DLGAP3: variants seen among roughly 807,000 people sequenced by gnomAD.
The protein encoded by DLGAP3 is disks large-associated protein 3.
A neutral mutation model predicts 81.2 loss-of-function variants in DLGAP3; 17 were observed. That is an observed-to-expected ratio of 0.21 (90% CI 0.14 to 0.31). The LOEUF (loss-of-function observed/expected upper bound fraction) is 0.31, where lower values mean the gene tolerates loss of function less well. DLGAP3 is among the 10% of genes least tolerant of loss of function. The pLI is 1.00. For synonymous variants in DLGAP3, 577 were observed against 587.4 expected, an observed-to-expected ratio of 0.98 and a Z score of 0.26; for missense variants, 1,124 against 1,388.0, an observed-to-expected ratio of 0.81 and a Z score of 3.02.
chr1:34,885,812 G>A (rs1422733262), intron 6 of DLGAP3, 21 bp from the exon 7 acceptor site: 1 of 1,396,548 alleles, frequency 7.2e-7, no homozygotes, highest in South Asian at 1.6e-5. Flanking sequence ...CGAGCGCAGA[G>A]ACGCAGTGGG....
At chr1:34,877,164 T>G (rs1328430829) in intron 8 of DLGAP3, among the ~76,000 whole-genome samples, 3 of 151,964 alleles carry the variant, frequency 2.0e-5, no homozygotes, top group Non-Finnish European at 4.4e-5. Flanking sequence ...AGAGGCTGGA[T>G]GAAAACGCTG....
intron 8 of DLGAP3, among the ~76,000 whole-genome samples, chr1:34,875,260 T>C (rs1394820777): frequency 2.0e-5 from 3 of 152,122 alleles, no homozygotes; most frequent in Non-Finnish European, 4.4e-5. Flanking sequence ...AAGGAAAGGG[T>C]AGGCAGGTCT....
In DLGAP3 at chr1:34,873,387, C is replaced by T. The variant is rs1034640207; in HGVS notation, c.2001-4298G>A. On this transcript the variant is annotated intron_variant, in intron 8 of 11. Transcript: ENST00000373347. This position sits in a 1 kb window ranked among gnomAD's most constrained non-coding sequence, Gnocchi z 4.2. ...TTTGGGTGGGGGCAGCGGAACAGAG[C>T]GGTTAGGCCCGTGTGCTCTGGAGCC... Among the ~76,000 whole-genome samples, 2 of 152,154 alleles carry T rather than the reference C, an allele frequency of 1.3e-5. No individual in the cohort carries two copies. The highest frequency in any genetic ancestry group is 2.9e-5 in the Non-Finnish European group (2 of 68,038).
chr1:34,918,099 G>C (rs1639743735), intron 1 of DLGAP3, among the ~76,000 whole-genome samples: 1 of 152,198 alleles, frequency 6.6e-6, no homozygotes, highest in Non-Finnish European at 1.5e-5. Context: ...CTCAGAGGGG[G>C]GGTCTCTCAG....
chr1:34,929,643 C>G lies in DLGAP3; in HGVS notation c.-327G>C, dbSNP rs1474139714. 2 of 151,180 alleles carry G rather than the reference C, an allele frequency of 1.3e-5. No individual in the cohort carries two copies. Among genetic ancestry groups the G allele is most frequent in the African/African-American group, 4.8e-5 (2 of 41,322 alleles). The allele number at this position is 151,180 out of a possible 1,614,324, so 9.4% of individuals were successfully genotyped here. A position where few individuals can be genotyped will look rare whatever the true frequency, so the allele number is the denominator to read the frequency against. On this transcript the variant is annotated 5_prime_UTR_variant, in exon 1 of 12. Coordinates refer to ENST00000373347, the MANE Select transcript of DLGAP3 (RefSeq NM_001080418.3). This position sits in a 1 kb window ranked among gnomAD's most constrained non-coding sequence, Gnocchi z 6.5. ...GCGGGAGCGGGAGGCGGCCAAGCCA[C>G]GGAGGCTGGATTTCCCGGGGACCGG...
chr1:34,869,698 A>G (rs1001027354), intron 8 of DLGAP3, among the ~76,000 whole-genome samples: 1 of 151,360 alleles, frequency 6.6e-6, no homozygotes, highest in African/African-American at 2.4e-5. Context: ...CTGGTCTCGA[A>G]CTCCCGACCT....
intron 8 of DLGAP3, among the ~76,000 whole-genome samples, chr1:34,879,459 G>A (rs1405652010): frequency 1.3e-5 from 2 of 152,144 alleles, no homozygotes; most frequent in East Asian, 3.8e-4. Context: ...CACCTGCTGC[G>A]CACCTCCTGC....
chr1:34,880,722 T>G (rs1639132456), intron 8 of DLGAP3, among the ~76,000 whole-genome samples: 1 of 151,954 alleles, frequency 6.6e-6, no homozygotes, highest in African/African-American at 2.4e-5. Context: ...AAGGGAGATA[T>G]CAATATAGAG....
At chr1:34,887,245 G>A (rs930221692) in intron 5 of DLGAP3, among the ~76,000 whole-genome samples, 1 of 151,890 alleles carries the variant, frequency 6.6e-6, no homozygotes. Flanking sequence ...GTGAGCCACC[G>A]CACCCGGCCC....
chr1:34,899,941 T>G, intron 4 of DLGAP3, 127 bp downstream of exon 4: 1 of 916,900 alleles, frequency 1.1e-6, no homozygotes, highest in Non-Finnish European at 1.7e-6. Context: ...TTACATGGAG[T>G]GGAGTGAGAC....
chr1:34,923,700 C>A (rs1256420257), intron 1 of DLGAP3, among the ~76,000 whole-genome samples: 3 of 151,752 alleles, frequency 2.0e-5, no homozygotes, highest in Non-Finnish European at 4.4e-5. Flanking sequence ...ACACCCACAC[C>A]CACCACCTCC....
At chr1:34,899,448 G>A (rs938170092) in intron 5 of DLGAP3, among the ~76,000 whole-genome samples, 2 of 152,232 alleles carry the variant, frequency 1.3e-5, no homozygotes, top group Non-Finnish European at 2.9e-5. Flanking sequence ...GCCCTTACAA[G>A]CTCATCACTT....
chr1:34,885,483 C>T lies in DLGAP3; in HGVS notation c.1909G>A (p.Val637Met). Residue 637 changes from valine to methionine, a missense_variant, in exon 7 of 12, where the codon GTG becomes ATG. Around this residue, in one of 9 missense-constraint regions of DLGAP3, gnomAD observed 379 missense variants for 455.7 expected, o/e 0.83. Coordinates refer to ENST00000373347, the MANE Select transcript of DLGAP3 (RefSeq NM_001080418.3). Reference protein sequence around the residue: ...RQRKWRPSIGVQVETISDSDT... With the variant: ...RQRKWRPSIGMQVETISDSDT... ...GGCGCCTCCCCGTTCCATACCTGCA[C>T]CCCAATGGACGGCCGCCACTTCCGC... is the stretch of plus-strand genomic sequence containing the variant. 1 of 1,606,534 alleles carries T rather than the reference C, an allele frequency of 6.2e-7. No individual in the cohort carries two copies. Among genetic ancestry groups the T allele is most frequent in the Non-Finnish European group, 8.5e-7 (1 of 1,179,770 alleles).
chr1:34,879,403 T>C (rs1639112087), intron 8 of DLGAP3, among the ~76,000 whole-genome samples: 1 of 152,138 alleles, frequency 6.6e-6, no homozygotes, highest in Non-Finnish European at 1.5e-5. Context: ...AATCGAATGC[T>C]ACCGCAGATC....
intron 8 of DLGAP3, among the ~76,000 whole-genome samples, chr1:34,872,143 GCCAGAAAGGAAGGGGGAGAAAACCA>G (rs1638990100): frequency 6.6e-6 from 1 of 152,174 alleles, no homozygotes; most frequent in Non-Finnish European, 1.5e-5. Flanking sequence ...AGGAGACTAA[GCCAGAAAGGAAGGGGGAGAAAACCA>G]CCAGAAAGTG....
intron 1 of DLGAP3, among the ~76,000 whole-genome samples, chr1:34,922,661 C>T (rs994011627): frequency 6.6e-6 from 1 of 152,148 alleles, no homozygotes; most frequent in African/African-American, 2.4e-5. Flanking sequence ...TGTGCTTATA[C>T]ACATATACAC....
intron 3 of DLGAP3, among the ~76,000 whole-genome samples, chr1:34,901,810 C>T (rs541195546): frequency 2.0e-4 from 31 of 152,164 alleles, no homozygotes; most frequent in African/African-American, 6.7e-4. Flanking sequence ...TCTAAGAACT[C>T]GATTATGAAG....
intron 5 of DLGAP3, among the ~76,000 whole-genome samples, chr1:34,896,531 G>A (rs756198871): frequency 2.9e-4 from 44 of 151,448 alleles, no homozygotes; most frequent in Non-Finnish European, 5.3e-4. Flanking sequence ...GGAGGTTGCA[G>A]TGAGCAGAGA....
intron 1 of DLGAP3, among the ~76,000 whole-genome samples, chr1:34,916,667 T>C (rs1331788755): frequency 5.7e-5 from 1 of 17,440 alleles, no homozygotes; most frequent in Non-Finnish European, 1.5e-4. Context: ...TTTTATTTTA[T>C]TTTATTTTAT....
Sources: allele counts gnomAD v4.1 joint callset (sites outside exome capture counted in the v4.1 genomes callset), GRCh38; gene constraint gnomAD v4.1.1; regional missense constraint gnomAD v4.1.1; non-coding constraint Gnocchi (gnomAD v3.1); transcripts MANE v1.5; gene names NCBI Gene and HGNC (gene_info 2026-07-23, HGNC 2026-07-21).